Variants in KLF13 observed in about 807,000 individuals in gnomAD.
The protein encoded by KLF13 is Krueppel-like factor 13.
KLF13 carries 8 observed loss-of-function variants against 16.7 expected under a neutral mutation model. The observed-to-expected ratio is 0.48, with a 90% CI of 0.28 to 0.87. The LOEUF (loss-of-function observed/expected upper bound fraction) is 0.87. Among genes scored for constraint, KLF13 ranks in the 40% least tolerant of loss-of-function variants. The probability of loss-of-function intolerance (pLI) is 0.10; values close to 1 mark genes in which losing one functional copy is unlikely to be tolerated. For synonymous variants in KLF13, 245 were observed against 208.4 expected (o/e 1.18, Z -1.51); for missense variants, 447 against 452.2 (o/e 0.99, Z 0.10).
downstream of KLF13, chr15:31,404,862 A>T (rs1487697424): frequency 6.6e-6 from 1 of 152,384 alleles, no homozygotes; most frequent in African/African-American, 2.4e-5. Flanking sequence ...CTGCAAGGTT[A>T]GGGTCCACAG....
In KLF13 at chr15:31,374,067, A is replaced by G. The variant is rs947216051; in HGVS notation, c.*1768A>G. 1.3e-5 allele frequency: 2 copies of G among 152,552 alleles called. No homozygotes were observed. Among genetic ancestry groups the G allele is most frequent in the African/African-American group, 2.4e-5 (1 of 41,374 alleles). The allele number at this position is 152,552 out of a possible 1,614,324, so 9.4% of individuals were successfully genotyped here. ...TGCTTCTACTCAGCCCTGCCATGCTATGGGGTGCAGCACAAACCCAGGACC... is the reference window on the plus strand; with the variant it reads ...TGCTTCTACTCAGCCCTGCCATGCTGTGGGGTGCAGCACAAACCCAGGACC... On this transcript the variant is annotated 3_prime_UTR_variant, in exon 2 of 2. Transcript: ENST00000307145.
At chr15:31,413,219 C>T (rs1263953697) in intron 1 of KLF13, among the ~76,000 whole-genome samples, 1 of 139,672 alleles carries the variant, frequency 7.2e-6, no homozygotes, top group Non-Finnish European at 1.6e-5. Context: ...ACAAAAAAAC[C>T]AGCCTCAGAG....
chr15:31,367,416 G>A (rs982961298), intron 1 of KLF13, among the ~76,000 whole-genome samples: 5 of 152,216 alleles, frequency 3.3e-5, no homozygotes, highest in Admixed American at 2.6e-4. Context: ...ATATAGGGAG[G>A]CCAAGAGCTG....
chr15:31,406,082 G>A (rs1321591638), downstream of KLF13, among the ~76,000 whole-genome samples: 3 of 152,148 alleles, frequency 2.0e-5, no homozygotes, highest in African/African-American at 7.2e-5. Context: ...GAGGAGGATA[G>A]GAAAGTAAAG....
At chr15:31,434,048 T>G (rs2040502085) in intron 1 of KLF13, among the ~76,000 whole-genome samples, 1 of 152,214 alleles carries the variant, frequency 6.6e-6, no homozygotes, top group Admixed American at 6.5e-5. Flanking sequence ...AGCCAAGTCC[T>G]ACCCCAGAGA....
chr15:31,328,003 G>A (rs1379474437), intron 1 of KLF13, among the ~76,000 whole-genome samples: 1 of 148,026 alleles, frequency 6.8e-6, no homozygotes, highest in Non-Finnish European at 1.5e-5. Context: ...CCCGCCAGGC[G>A]ACCGCGCCCC....
At chr15:31,407,215 C>G (rs767844502), downstream of KLF13, among the ~76,000 whole-genome samples, 1 of 152,190 alleles carries the variant, frequency 6.6e-6, no homozygotes, top group East Asian at 1.9e-4. Context: ...TGGTAGCTCA[C>G]ACCTGTAATC....
rs922591355 is a variant in KLF13, at chr15:31,423,408, G to A, written n.118-11962G>A. ...GCGCTTTGGGAGGCTGAGGTGGGTG[G>A]ATCACGTGAGGTCAGGAGTTCGAGA... On this transcript the variant is annotated intron_variant and non_coding_transcript_variant, in intron 1 of 1. Coordinates refer to the KLF13 transcript ENST00000558225. 5.3e-5 allele frequency among the ~76,000 whole-genome samples: 8 copies of A among 151,782 alleles called. No homozygotes were observed. In the East Asian group the frequency reaches 1.4e-3, roughly 26 times the overall value.
rs2140969677 is a variant in KLF13 at position 31,374,446 on chromosome 15, G to C, written c.*2147G>C. The C allele has an allele frequency of 6.5e-6, 1 of 152,702 alleles. No individual in the cohort carries two copies. Among genetic ancestry groups the C allele is most frequent in the South Asian group, 2.1e-4 (1 of 4,818 alleles). 9.5% of individuals were successfully genotyped at this position (152,702 alleles called of 1,614,324 possible). On this transcript the variant is annotated 3_prime_UTR_variant, in exon 2 of 2. Transcript: ENST00000307145. ...GAGAGAGAGTGGAATATTTGGTAGG[G>C]ACCTTGACAGAAGAGAGCCCTGGGT... is the stretch of plus-strand genomic sequence containing the variant.
chr15:31,371,915 G>T, intron 1 of KLF13, 95 bp from the exon 2 acceptor site: 1 of 1,367,606 alleles, frequency 7.3e-7, no homozygotes, highest in South Asian at 1.4e-5. Flanking sequence ...GGGGTGTTGA[G>T]AGACCAGGGT....
intron 1 of KLF13, among the ~76,000 whole-genome samples, chr15:31,350,488 G>A (rs755383664): frequency 1.3e-5 from 2 of 152,322 alleles, no homozygotes; most frequent in African/African-American, 4.8e-5. Flanking sequence ...CTTTGCTTCC[G>A]TCTTCACCAA....
chr15:31,367,207 C>A (rs1378380423), intron 1 of KLF13, among the ~76,000 whole-genome samples: 2 of 152,184 alleles, frequency 1.3e-5, no homozygotes, highest in Non-Finnish European at 2.9e-5. Flanking sequence ...ACCAGGGGAC[C>A]CAGCCAGACC....
intron 1 of KLF13, among the ~76,000 whole-genome samples, chr15:31,354,057 C>T (rs535309216): frequency 1.1e-4 from 16 of 152,340 alleles, no homozygotes; most frequent in African/African-American, 3.8e-4. Context: ...CTGGATACAG[C>T]GTCAGTGTGG....
intron 1 of KLF13, among the ~76,000 whole-genome samples, chr15:31,366,735 T>TGTGTGCCCCCCTGTGCTCACC (rs2039478632): frequency 6.6e-6 from 1 of 152,244 alleles, no homozygotes; most frequent in South Asian, 2.1e-4. Context: ...CTCACCTCAC[T>TGTGTGCCCCCCTGTGCTCACC]GTGTGCCCCC....
rs146210153 is a variant in KLF13 at position 31,425,148 on chromosome 15, C to A, written n.118-10222C>A. ...AAAGAAATTAAAGAAGATATAAATG[C>A]ATGTAAAGATATTTCACATTTATAG... On this transcript the variant is annotated intron_variant and non_coding_transcript_variant, in intron 1 of 1. Coordinates refer to the KLF13 transcript ENST00000558225. Among the ~76,000 whole-genome samples the A allele has an allele frequency of 2.0e-3, 303 of 152,134 alleles. 2 individuals are homozygous for A. Among genetic ancestry groups the A allele is most frequent in the Middle Eastern group, 0.017 (5 of 294 alleles).
At chr15:31,329,348 C>T (rs1212621743) in intron 1 of KLF13, among the ~76,000 whole-genome samples, 2 of 149,854 alleles carry the variant, frequency 1.3e-5, no homozygotes, top group Non-Finnish European at 3.0e-5. Flanking sequence ...GCGATTGGGG[C>T]GTGGCTGGGG....
At chr15:31,405,533 G>GT (rs1396117032), downstream of KLF13, among the ~76,000 whole-genome samples, 1 of 152,226 alleles carries the variant, frequency 6.6e-6, no homozygotes, top group African/African-American at 2.4e-5. Context: ...TGATTCTATT[G>GT]TAACAACCTG....
chr15:31,345,267 CT>C (rs1205224600), intron 1 of KLF13, among the ~76,000 whole-genome samples: 3 of 152,176 alleles, frequency 2.0e-5, no homozygotes, highest in African/African-American at 7.2e-5. Context: ...CACTCATTGC[CT>C]GAGTGTCATG....
At chr15:31,345,250 C>T (rs564969249) in intron 1 of KLF13, among the ~76,000 whole-genome samples, 10 of 152,300 alleles carry the variant, frequency 6.6e-5, no homozygotes, top group African/African-American at 1.9e-4. Flanking sequence ...GGGACTTGGG[C>T]ATTCCTCACT....
Sources: gnomAD v4.1 joint callset for allele counts (sites outside exome capture counted in the v4.1 genomes callset) on GRCh38, gnomAD v4.1.1 for gene constraint, MANE v1.5 for transcripts, NCBI Gene and HGNC (gene_info 2026-07-23, HGNC 2026-07-21) for gene names.